AGAP1: variants seen among roughly 807,000 people sequenced by gnomAD.
The protein encoded by AGAP1 is arf-GAP with GTPase, ANK repeat and PH domain-containing protein 1.
AGAP1 carries 29 observed loss-of-function variants against 105.3 expected under a neutral mutation model. That is an observed-to-expected ratio of 0.28 (90% confidence interval 0.21 to 0.38). The LOEUF is 0.38. Among genes scored for constraint, AGAP1 ranks in the 10% least tolerant of loss-of-function variants. The pLI is 1.00. For missense variants in AGAP1, 998 were observed against 1,165.1 expected, an observed-to-expected ratio of 0.86 and a Z score of 2.09; for synonymous variants, 509 against 485.9, an observed-to-expected ratio of 1.05 and a Z score of -0.63.
intron 1 of AGAP1, among the ~76,000 whole-genome samples, chr2:235,638,267 C>T (rs576804354): frequency 3.9e-5 from 6 of 152,090 alleles, no homozygotes; most frequent in Non-Finnish European, 7.4e-5. Flanking sequence ...GTAGGAGGTT[C>T]GATCAGATTA....
intron 6 of AGAP1, among the ~76,000 whole-genome samples, chr2:235,781,408 G>A (rs57011805): frequency 0.018 from 2,772 of 152,286 alleles, 73 homozygotes; most frequent in African/African-American, 0.064. Flanking sequence ...CAATCTTATT[G>A]TAACTGTTAT....
rs145124802 is a variant in AGAP1, at chr2:236,073,285, G to A, written c.2114+24004G>A. Reference sequence around the variant, plus strand: ...GCTGGGATTACAGATGTGAGCCACCGTGCCTGGCCTATATTCTTCTTTTAT... The same window carrying A: ...GCTGGGATTACAGATGTGAGCCACCATGCCTGGCCTATATTCTTCTTTTAT... On this transcript the variant is annotated intron_variant, in intron 16 of 17. Coordinates refer to ENST00000304032, the MANE Select transcript of AGAP1 (RefSeq NM_001037131.3). The surrounding 1 kb of genome is among the most constrained non-coding windows in gnomAD (Gnocchi z 5.4). Among the ~76,000 whole-genome samples the A allele has an allele frequency of 7.2e-4, 110 of 152,270 alleles. 1 individual carries two copies. In the East Asian group the frequency reaches 0.011, roughly 16 times the overall value.
At chr2:235,589,263 T>C (rs1945251169) in intron 1 of AGAP1, among the ~76,000 whole-genome samples, 1 of 124,276 alleles carries the variant, frequency 8.0e-6, no homozygotes, top group African/African-American at 2.9e-5. Flanking sequence ...TGGAGTGCAA[T>C]GGCGCGGTCT....
Position 236,046,739 on chromosome 2 carries a change from G to T in AGAP1, c.1892-2320G>T, listed in dbSNP as rs1024852601. Reference sequence around the variant, plus strand: ...AGTCAGAAGAGATGACCCCACAGGAGCCCTGAGGTCAGGGAGGAAGAGCTG... The same window carrying T: ...AGTCAGAAGAGATGACCCCACAGGATCCCTGAGGTCAGGGAGGAAGAGCTG... On this transcript the variant is annotated intron_variant, in intron 15 of 17. Transcript: ENST00000304032. The surrounding 1 kb of genome is among the most constrained non-coding windows in gnomAD (Gnocchi z 5.2). Among the ~76,000 whole-genome samples, 2 of 152,206 alleles carry T rather than the reference G, an allele frequency of 1.3e-5. No individual in the cohort carries two copies.
At position 236,046,095 on chromosome 2, in the gene AGAP1, C is replaced by T; in HGVS notation, c.1892-2964C>T. 4.4e-6 allele frequency: 2 copies of T among 457,884 alleles called. No individual in the cohort carries two copies. Among genetic ancestry groups the T allele is most frequent in the Non-Finnish European group, 4.6e-6 (1 of 217,086 alleles). The allele number at this position is 457,884 out of a possible 1,614,324, so 28.4% of individuals were successfully genotyped here. On this transcript the variant is annotated intron_variant, in intron 15 of 17. Transcript: ENST00000304032. The surrounding 1 kb of genome is among the most constrained non-coding windows in gnomAD (Gnocchi z 5.2). ...CATGAGTGGCTTCTGTATCTGCAAC[C>T]CACAGCGGCATGGAGGGCGGTGGGG...
chr2:235,573,039 CTTCTTCTTCTTCTTCTTCTTCT>C (rs59769708), intron 1 of AGAP1, among the ~76,000 whole-genome samples: 1,981 of 24,368 alleles, frequency 0.081, 30 homozygotes, highest in East Asian at 0.14. Flanking sequence ...TCTTCTTCTT[CTTCTTCTTCTTCTTCTTCTTCT>C]TTCTTCTTTC....
rs1006992953 is a variant in AGAP1, at chr2:235,739,931, C to T, written c.311-1032C>T. Among the ~76,000 whole-genome samples the T allele has an allele frequency of 1.1e-4, 17 of 152,182 alleles. No individual in the cohort carries two copies. The highest frequency in any genetic ancestry group is 3.9e-4 in the African/African-American group (16 of 41,440). On this transcript the variant is annotated intron_variant, in intron 3 of 17. Coordinates refer to ENST00000304032, the MANE Select transcript of AGAP1 (RefSeq NM_001037131.3). This position sits in a 1 kb window ranked among gnomAD's most constrained non-coding sequence, Gnocchi z 5.3. Reference sequence around the variant, plus strand: ...AGCCTCTGGGCTCTGGCAGCATTGTCCTCTGGGTCCAGCGATTTGGGGTTT... The same window carrying T: ...AGCCTCTGGGCTCTGGCAGCATTGTTCTCTGGGTCCAGCGATTTGGGGTTT...
At chr2:235,510,274 C>G (rs1302871257) in intron 1 of AGAP1, among the ~76,000 whole-genome samples, 1 of 152,200 alleles carries the variant, frequency 6.6e-6, no homozygotes, top group Non-Finnish European at 1.5e-5. Context: ...TCCCTGATGC[C>G]AAGAAGGTTA....
rs894657344 is a variant in AGAP1 at position 236,058,333 on chromosome 2, C to T, written c.2114+9052C>T. 2.0e-5 allele frequency among the ~76,000 whole-genome samples: 3 copies of T among 152,136 alleles called. No homozygotes were observed. Among genetic ancestry groups the T allele is most frequent in the Non-Finnish European group, 4.4e-5 (3 of 68,036 alleles). ...GCTTAGCATATCCAGTATATCCCAG[C>T]AGATGTTACAGCCAGAGAGCATCTA... On this transcript the variant is annotated intron_variant, in intron 16 of 17. Transcript: ENST00000304032. This position sits in a 1 kb window ranked among gnomAD's most constrained non-coding sequence, Gnocchi z 4.6.
chr2:235,868,193 C>CTTTTT (rs201871354), intron 9 of AGAP1, among the ~76,000 whole-genome samples: 1 of 144,204 alleles, frequency 6.9e-6, no homozygotes, highest in South Asian at 2.2e-4. Context: ...TCAAACATCA[C>CTTTTT]TTTTTTTTTT....
At chr2:235,923,261 T>C (rs1387084440) in intron 11 of AGAP1, among the ~76,000 whole-genome samples, 1 of 152,216 alleles carries the variant, frequency 6.6e-6, no homozygotes, top group Non-Finnish European at 1.5e-5. Flanking sequence ...GGGCCACTTT[T>C]TAAGGACTTA....
chr2:235,610,426 G>T lies in AGAP1; in HGVS notation c.164-98753G>T, dbSNP rs1350829892. ...CCAAGATCAGGGTGCTGGCATGGTT[G>T]GACTCTGGAGAGACTCTTGTCCTGA... On this transcript the variant is annotated intron_variant, in intron 1 of 17. Coordinates refer to ENST00000304032, the MANE Select transcript of AGAP1 (RefSeq NM_001037131.3). The surrounding 1 kb of genome is among the most constrained non-coding windows in gnomAD (Gnocchi z 4.9). Among the ~76,000 whole-genome samples the T allele has an allele frequency of 6.6e-6, 1 of 152,126 alleles. No homozygotes were observed.
At chr2:235,515,524 G>A (rs1942343114) in intron 1 of AGAP1, among the ~76,000 whole-genome samples, 1 of 152,306 alleles carries the variant, frequency 6.6e-6, no homozygotes, top group African/African-American at 2.4e-5. Context: ...ATGGGGAAGG[G>A]CCTCGAGCTG....
chr2:235,512,104 A>AGTTT (rs374904471), intron 1 of AGAP1, among the ~76,000 whole-genome samples: 26 of 103,500 alleles, frequency 2.5e-4, no homozygotes, highest in South Asian at 1.7e-3. Flanking sequence ...TGTGTGTGTG[A>AGTTT]ATGTGTGTGT....
At chr2:235,652,378 T>G (rs12991596) in intron 1 of AGAP1, among the ~76,000 whole-genome samples, 1 of 151,714 alleles carries the variant, frequency 6.6e-6, no homozygotes, top group Non-Finnish European at 1.5e-5. Flanking sequence ...ACCCCTGTCC[T>G]CTGCATGCTT....
intron 9 of AGAP1, among the ~76,000 whole-genome samples, chr2:235,814,344 G>A (rs567313202): frequency 6.6e-6 from 1 of 152,316 alleles, no homozygotes; most frequent in South Asian, 2.1e-4. Flanking sequence ...CAGTGGTGGT[G>A]AAATCCAATT....
rs1017554743 is a variant in AGAP1 at position 235,700,811 on chromosome 2, C to T, written c.164-8368C>T. Reference sequence around the variant, plus strand: ...CGAGAATCTGTCTCTGTCTCTCTCTCTCTCTCTCTGTGTATATATAGTATA... The same window carrying T: ...CGAGAATCTGTCTCTGTCTCTCTCTTTCTCTCTCTGTGTATATATAGTATA... On this transcript the variant is annotated intron_variant, in intron 1 of 17. Coordinates refer to ENST00000304032, the MANE Select transcript of AGAP1 (RefSeq NM_001037131.3). The surrounding 1 kb of genome is among the most constrained non-coding windows in gnomAD (Gnocchi z 6.1). Among the ~76,000 whole-genome samples the T allele has an allele frequency of 2.0e-5, 3 of 150,388 alleles. No individual in the cohort carries two copies. The highest frequency in any genetic ancestry group is 4.4e-5 in the Non-Finnish European group (3 of 67,776).
At chr2:235,667,252 T>C (rs1948156118) in intron 1 of AGAP1, among the ~76,000 whole-genome samples, 1 of 152,192 alleles carries the variant, frequency 6.6e-6, no homozygotes, top group Non-Finnish European at 1.5e-5. Context: ...TGTCACTGTG[T>C]AGCATTGCAG....
chr2:235,642,311 G>C lies in AGAP1; in HGVS notation c.164-66868G>C, dbSNP rs2149307795. ...GATTTACAAAGAAACTTGAGGTGAG[G>C]GGCCCTCTGCACTCAACCTCCTGGG... On this transcript the variant is annotated intron_variant, in intron 1 of 17. Transcript: ENST00000304032. The surrounding 1 kb of genome is among the most constrained non-coding windows in gnomAD (Gnocchi z 4.1). Among the ~76,000 whole-genome samples, 1 of 152,278 alleles carries C rather than the reference G, an allele frequency of 6.6e-6. No homozygotes were observed. The highest frequency in any genetic ancestry group is 2.4e-5 in the African/African-American group (1 of 41,552).
Sources: gnomAD v4.1 joint callset for allele counts (sites outside exome capture counted in the v4.1 genomes callset) on GRCh38, gnomAD v4.1.1 for gene constraint, Gnocchi (gnomAD v3.1) non-coding constraint, MANE v1.5 for transcripts, NCBI Gene and HGNC (gene_info 2026-07-23, HGNC 2026-07-21) for gene names.